Variants in DGKI observed in about 807,000 individuals in gnomAD.
The protein encoded by DGKI is DAG kinase iota.
Under a neutral mutation model 147.5 loss-of-function variants are expected in DGKI, and 55 were observed. The observed-to-expected ratio is 0.37, with a 90% CI of 0.30 to 0.47. The LOEUF (loss-of-function observed/expected upper bound fraction) is 0.47, where lower values mean the gene tolerates loss of function less well. DGKI is among the 20% of genes least tolerant of loss of function. The pLI is 1.00. For synonymous variants in DGKI, 469 were observed against 477.1 expected, an observed-to-expected ratio of 0.98 and a Z score of 0.22; for missense variants, 1,007 against 1,323.8, an observed-to-expected ratio of 0.76 and a Z score of 3.71.
At chr7:137,533,228 G>T (rs1233269983) in intron 20 of DGKI, among the ~76,000 whole-genome samples, 2 of 152,080 alleles carry the variant, frequency 1.3e-5, no homozygotes, top group South Asian at 4.2e-4. Context: ...GTTCAAGATT[G>T]CAATCAACTA....
intron 1 of DGKI, among the ~76,000 whole-genome samples, chr7:137,767,822 C>T (rs1796067129): frequency 6.6e-6 from 1 of 152,180 alleles, no homozygotes; most frequent in Non-Finnish European, 1.5e-5. Context: ...ATCTGCTTTA[C>T]ATGGTTGCTA....
At chr7:137,664,340 T>G (rs1822553985) in intron 3 of DGKI, among the ~76,000 whole-genome samples, 1 of 129,242 alleles carries the variant, frequency 7.7e-6, no homozygotes. Context: ...ACTGTGCCAC[T>G]GCACTCCAGG....
At chr7:137,738,732 C>T (rs928545372) in intron 1 of DGKI, among the ~76,000 whole-genome samples, 6 of 147,826 alleles carry the variant, frequency 4.1e-5, no homozygotes, top group South Asian at 2.2e-4. Context: ...GTTCCCCCCC[C>T]CCCTTTCCTT....
intron 28 of DGKI, among the ~76,000 whole-genome samples, chr7:137,415,392 G>C (rs537477967): frequency 6.6e-6 from 1 of 152,122 alleles, no homozygotes; most frequent in African/African-American, 2.4e-5. Flanking sequence ...TGAAGTGTAC[G>C]GGAGGATGTG....
intron 27 of DGKI, chr7:137,454,870 A>T (rs926941701): frequency 6.6e-6 from 1 of 152,174 alleles, no homozygotes. Flanking sequence ...TGGATTTTGT[A>T]AATGTGGACT....
At chr7:137,511,366 A>G (rs535578561) in intron 21 of DGKI, among the ~76,000 whole-genome samples, 1 of 152,344 alleles carries the variant, frequency 6.6e-6, no homozygotes, top group South Asian at 2.1e-4. Flanking sequence ...CCAAATGGAG[A>G]ATATTTGGCT....
chr7:137,655,092 G>A (rs1217151236), intron 4 of DGKI, among the ~76,000 whole-genome samples: 1 of 152,090 alleles, frequency 6.6e-6, no homozygotes, highest in Admixed American at 6.5e-5. Context: ...CCAGAGGAAA[G>A]ATACTGGCAG....
chr7:137,431,262 T>C (rs1416026574), intron 28 of DGKI, among the ~76,000 whole-genome samples: 1 of 146,188 alleles, frequency 6.8e-6, no homozygotes, highest in Non-Finnish European at 1.5e-5. Flanking sequence ...TTTTTTTTTT[T>C]CTCAATGGCT....
At chr7:137,668,356 C>A (rs1370927871) in intron 3 of DGKI, among the ~76,000 whole-genome samples, 1 of 152,184 alleles carries the variant, frequency 6.6e-6, no homozygotes, top group African/African-American at 2.4e-5. Context: ...TTACACAAGT[C>A]AGCTACCTGC....
At chr7:137,584,547 G>A (rs2128982609) in intron 14 of DGKI, among the ~76,000 whole-genome samples, 1 of 152,322 alleles carries the variant, frequency 6.6e-6, no homozygotes, top group African/African-American at 2.4e-5. Flanking sequence ...GACCACTAGA[G>A]TAGAGAGGGA....
chr7:137,405,772 A>T (rs1811923441), intron 30 of DGKI, among the ~76,000 whole-genome samples: 1 of 152,164 alleles, frequency 6.6e-6, no homozygotes, highest in Admixed American at 6.5e-5. Flanking sequence ...GATCTTGGGA[A>T]AAAAAGACGA....
At chr7:137,472,116 TATAA>T (rs1814933312) in intron 23 of DGKI, among the ~76,000 whole-genome samples, 1 of 115,898 alleles carries the variant, frequency 8.6e-6, no homozygotes, top group South Asian at 2.5e-4. Context: ...TATATATACA[TATAA>T]ATATATATAC....
intron 32 of DGKI, among the ~76,000 whole-genome samples, chr7:137,392,902 A>G (rs1473152808): frequency 6.6e-6 from 1 of 152,248 alleles, no homozygotes; most frequent in East Asian, 1.9e-4. Flanking sequence ...ACTTTAAACT[A>G]GCATCAAGTT....
chr7:137,509,945 C>T (rs929872163), intron 21 of DGKI, among the ~76,000 whole-genome samples: 2 of 151,744 alleles, frequency 1.3e-5, no homozygotes, highest in African/African-American at 4.8e-5. Context: ...AAGAAAATCC[C>T]AGGGAGAAAA....
chr7:137,411,514 CATTTTACTGATGAA>C (rs1812162623), intron 29 of DGKI, among the ~76,000 whole-genome samples: 1 of 152,074 alleles, frequency 6.6e-6, no homozygotes, highest in African/African-American at 2.4e-5. Context: ...AATATTACTC[CATTTTACTGATGAA>C]AAAACTAAGG....
At position 137,846,270 on chromosome 7, in the gene DGKI, C is replaced by T. The variant is rs1196257739; in HGVS notation, c.401+192G>A. ...CTCTCCTGCCACAGGGGAAAGCAGG[C>T]GTTGCTGCCCTCCAGCCTGGAATGA... On this transcript the variant is annotated intron_variant, in intron 1 of 32. Coordinates refer to ENST00000614521, the MANE Select transcript of DGKI (RefSeq NM_001321708.2). This position sits in a 1 kb window ranked among gnomAD's most constrained non-coding sequence, Gnocchi z 4.0. Among the ~76,000 whole-genome samples, 1 of 151,746 alleles carries T rather than the reference C, an allele frequency of 6.6e-6. No homozygotes were observed. The highest frequency in any genetic ancestry group is 1.5e-5 in the Non-Finnish European group (1 of 67,972).
rs118174686 is a variant in DGKI, at chr7:137,652,634, C to A, written c.738+2098G>T. On this transcript the variant is annotated intron_variant, in intron 5 of 32. Transcript: ENST00000614521. ...CCTCACCCTGCGCATGGCCCACAAC[C>A]TTCCTATTGCTGCCATGCTGCACAA... Among the ~76,000 whole-genome samples, 255 of 152,262 alleles carry A rather than the reference C, an allele frequency of 1.7e-3. 2 individuals carry two copies. Among genetic ancestry groups the A allele is most frequent in the Non-Finnish European group, 3.2e-3 (215 of 68,016 alleles).
intron 31 of DGKI, chr7:137,395,954 C>T (rs1172536294): frequency 8.6e-6 from 4 of 462,996 alleles, no homozygotes; most frequent in Non-Finnish European, 1.2e-5. Flanking sequence ...TTTTTAAAAG[C>T]TACTACTATT....
intron 1 of DGKI, among the ~76,000 whole-genome samples, chr7:137,700,443 A>G (rs191304111): frequency 2.6e-5 from 4 of 152,332 alleles, no homozygotes; most frequent in Non-Finnish European, 4.4e-5. Flanking sequence ...CCTTTTTCAT[A>G]GCAGATAAAG....
Sources: allele counts gnomAD v4.1 joint callset (sites outside exome capture counted in the v4.1 genomes callset), GRCh38; gene constraint gnomAD v4.1.1; non-coding constraint Gnocchi (gnomAD v3.1); transcripts MANE v1.5; gene names NCBI Gene and HGNC (gene_info 2026-07-23, HGNC 2026-07-21).